Variants in ANTXR1 observed in about 807,000 individuals in gnomAD.
ANTXR1 encodes the protein anthrax toxin receptor 1.
Under a neutral mutation model 78.1 loss-of-function variants are expected in ANTXR1, and 19 were observed. The ratio of observed to expected loss-of-function variants is 0.24; its 90% confidence interval spans 0.17 to 0.36. ANTXR1 has a LOEUF of 0.36. Ranked by LOEUF, ANTXR1 falls within the 10% of genes least tolerant of loss-of-function variation. ANTXR1 has a pLI of 1.00. For missense variants in ANTXR1, 518 were observed against 718.6 expected, an observed-to-expected ratio of 0.72 and a Z score of 3.19; for synonymous variants, 273 against 260.5, an observed-to-expected ratio of 1.05 and a Z score of -0.46.
intron 13 of ANTXR1, among the ~76,000 whole-genome samples, chr2:69,154,561 C>A (rs1291954050): frequency 1.3e-5 from 2 of 152,192 alleles, no homozygotes; most frequent in Non-Finnish European, 2.9e-5. Flanking sequence ...AGATACAGCA[C>A]CCCTCACCAC....
chr2:69,216,538 C>A (rs1047086264), intron 17 of ANTXR1, among the ~76,000 whole-genome samples: 3 of 152,158 alleles, frequency 2.0e-5, no homozygotes, highest in Admixed American at 1.3e-4. Context: ...AAACCTCCCC[C>A]TCAGAATCAC....
intron 17 of ANTXR1, among the ~76,000 whole-genome samples, chr2:69,237,857 T>G (rs1292150871): frequency 6.6e-6 from 1 of 152,222 alleles, no homozygotes; most frequent in African/African-American, 2.4e-5. Flanking sequence ...TTTATTTATA[T>G]ATATGTGTGT....
intron 8 of ANTXR1, among the ~76,000 whole-genome samples, chr2:69,083,084 T>C (rs1323742568): frequency 6.6e-6 from 1 of 152,188 alleles, no homozygotes; most frequent in Non-Finnish European, 1.5e-5. Flanking sequence ...ATTTGTCCCT[T>C]CCACTCATGG....
At position 69,013,962 on chromosome 2, in the gene ANTXR1, G is replaced by A. The variant is rs988791226; in HGVS notation, c.152+311G>A. On this transcript the variant is annotated intron_variant, in intron 1 of 17. Coordinates refer to ENST00000303714, the MANE Select transcript of ANTXR1 (RefSeq NM_032208.3). This position sits in a 1 kb window ranked among gnomAD's most constrained non-coding sequence, Gnocchi z 5.0. ...GATGCTATTGTCTTGCTGAGTTTCT[G>A]TGACTCCCTCCCGTGTTGGTGGGAA... 6.6e-6 allele frequency among the ~76,000 whole-genome samples: 1 copy of A among 152,230 alleles called. No homozygotes were observed. The highest frequency in any genetic ancestry group is 1.5e-5 in the Non-Finnish European group (1 of 68,042).
chr2:69,156,221 G>A (rs1473095641), intron 13 of ANTXR1, among the ~76,000 whole-genome samples: 1 of 152,154 alleles, frequency 6.6e-6, no homozygotes, highest in Non-Finnish European at 1.5e-5. Flanking sequence ...ACCTCTGGCT[G>A]TCTCATATTC....
Position 69,217,566 on chromosome 2 carries a change from C to T in ANTXR1, c.1434+24151C>T, listed in dbSNP as rs1558652897. On this transcript the variant is annotated intron_variant, in intron 17 of 17. Transcript: ENST00000303714. ...CTTGTAAAATGAGCCCATGGGAGCT[C>T]ATGGTTGTGATTACTAAATGCAATA... Among the ~76,000 whole-genome samples the T allele has an allele frequency of 1.3e-5, 2 of 152,138 alleles. 1 individual carries two copies. The highest frequency in any genetic ancestry group is 1.3e-4 in the Admixed American group (2 of 15,278).
chr2:69,176,444 C>T lies in ANTXR1; in HGVS notation c.1090-5342C>T, dbSNP rs114832088. 1.7e-3 allele frequency among the ~76,000 whole-genome samples: 254 copies of T among 152,338 alleles called. 2 individuals are homozygous for T. The highest frequency in any genetic ancestry group is 6.8e-3 in the Middle Eastern group (2 of 294). Reference sequence around the variant, plus strand: ...ACTGACATTGAGGGGATCTCCCTGACTTCTCCCCAAAGACCAAATGAGACA... The same window carrying T: ...ACTGACATTGAGGGGATCTCCCTGATTTCTCCCCAAAGACCAAATGAGACA... On this transcript the variant is annotated intron_variant, in intron 14 of 17. Coordinates refer to ENST00000303714, the MANE Select transcript of ANTXR1 (RefSeq NM_032208.3).
chr2:69,216,775 CG>C (rs1007568044), intron 17 of ANTXR1, among the ~76,000 whole-genome samples: 19 of 152,188 alleles, frequency 1.2e-4, no homozygotes, highest in African/African-American at 4.3e-4. Context: ...AGCCCTTTCA[CG>C]GGACCACTGA....
At chr2:69,026,369 A>T (rs1369838333) in intron 1 of ANTXR1, among the ~76,000 whole-genome samples, 2 of 152,318 alleles carry the variant, frequency 1.3e-5, no homozygotes, top group African/African-American at 4.8e-5. Flanking sequence ...AAAAAGGGAG[A>T]TAATAATAGT....
chr2:69,150,278 G>A (rs1673357240), intron 12 of ANTXR1, among the ~76,000 whole-genome samples: 1 of 152,240 alleles, frequency 6.6e-6, no homozygotes, highest in African/African-American at 2.4e-5. Flanking sequence ...ATGGAGAAGA[G>A]GGAGCAGCTT....
intron 17 of ANTXR1, among the ~76,000 whole-genome samples, chr2:69,238,770 A>G (rs1320090760): frequency 6.6e-6 from 1 of 152,230 alleles, no homozygotes; most frequent in Non-Finnish European, 1.5e-5. Context: ...CATGTATGTT[A>G]TACTTTTACG....
At chr2:69,124,423 A>G in intron 11 of ANTXR1, 142 bp from the exon 12 acceptor site, 1 of 758,188 alleles carries the variant, frequency 1.3e-6, no homozygotes, top group Non-Finnish European at 2.3e-6. Context: ...GAGGAAACTC[A>G]GACCCCTCCT....
chr2:69,245,371 C>A lies in ANTXR1; in HGVS notation c.1581C>A (p.Ser527Arg). The A allele has an allele frequency of 6.6e-7, 1 of 1,508,962 alleles. No homozygotes were observed. The highest frequency in any genetic ancestry group is 8.9e-7 in the Non-Finnish European group (1 of 1,127,932). The allele number at this position is 1,508,962 out of a possible 1,614,324, so 93.5% of individuals were successfully genotyped here. Residue 527 changes from serine to arginine, a missense_variant, in exon 18 of 18, where the codon AGC becomes AGA. Ser to Arg is a moderately radical substitution (Grantham distance 110). Coordinates refer to ENST00000303714, the MANE Select transcript of ANTXR1 (RefSeq NM_032208.3). ...PAPHCPPPPPSAPTPPIPSPP... is the reference protein window; with the variant it reads ...PAPHCPPPPPRAPTPPIPSPP... ...CCCACTGCCCTCCCCCGCCCCCCAG[C>A]GCCCCTACCCCTCCCATCCCGTCCC... is the stretch of plus-strand genomic sequence containing the variant.
At chr2:69,185,390 A>G (rs981692603) in intron 16 of ANTXR1, among the ~76,000 whole-genome samples, 4 of 152,184 alleles carry the variant, frequency 2.6e-5, no homozygotes, top group Middle Eastern at 3.4e-3. Context: ...AAATACAAAA[A>G]TTAGCTGGGC....
At chr2:69,218,772 G>A (rs960592575) in intron 17 of ANTXR1, among the ~76,000 whole-genome samples, 1 of 152,138 alleles carries the variant, frequency 6.6e-6, no homozygotes, top group African/African-American at 2.4e-5. Context: ...GTATGTAGCC[G>A]CTGTAACTTA....
chr2:69,224,163 A>G (rs956490036), intron 17 of ANTXR1, among the ~76,000 whole-genome samples: 1 of 152,214 alleles, frequency 6.6e-6, no homozygotes, highest in African/African-American at 2.4e-5. Flanking sequence ...CACAAATAGG[A>G]TCTCCTCAGA....
At chr2:69,214,678 C>T (rs1045420035) in intron 17 of ANTXR1, among the ~76,000 whole-genome samples, 2 of 152,200 alleles carry the variant, frequency 1.3e-5, no homozygotes, top group African/African-American at 4.8e-5. Flanking sequence ...AATTTCTTAC[C>T]CCTCCTTGGT....
chr2:69,169,821 A>G (rs7599536), intron 13 of ANTXR1, among the ~76,000 whole-genome samples: 40,403 of 152,246 alleles, frequency 0.27, 8,892 homozygotes, highest in African/African-American at 0.59. Flanking sequence ...CACGCTTGAC[A>G]CATCCCTAAA....
chr2:69,176,077 AC>A (rs946218046), intron 14 of ANTXR1, among the ~76,000 whole-genome samples: 3 of 147,322 alleles, frequency 2.0e-5, no homozygotes, highest in Non-Finnish European at 3.0e-5. Context: ...ATACACAGAC[AC>A]CCCCCCACAC....
Sources: allele counts gnomAD v4.1 joint callset (sites outside exome capture counted in the v4.1 genomes callset), GRCh38; gene constraint gnomAD v4.1.1; non-coding constraint Gnocchi (gnomAD v3.1); transcripts MANE v1.5; gene names NCBI Gene and HGNC (gene_info 2026-07-23, HGNC 2026-07-21).